The following SLCO2B1 variants were observed in gnomAD, a reference collection of about 807,000 sequenced individuals.
SLCO2B1 encodes the protein solute carrier organic anion transporter family member 2B1, also known as OATP-RP2.
In SLCO2B1, 41 loss-of-function variants were observed where a neutral mutation model predicts 67.3. That is an observed-to-expected ratio of 0.61 (90% confidence interval 0.47 to 0.79). The LOEUF (loss-of-function observed/expected upper bound fraction) is 0.79. Among genes scored for constraint, SLCO2B1 ranks in the 30% least tolerant of loss-of-function variants. The pLI, the probability that SLCO2B1 is intolerant of heterozygous loss-of-function variation, is 0.00. For synonymous variants in SLCO2B1, 379 were observed against 381.4 expected (o/e 0.99, Z 0.07); for missense variants, 837 against 920.1 (o/e 0.91, Z 1.17).
rs1945239176 is a variant in SLCO2B1, at chr11:75,204,425, A to G, written c.1975A>G (p.Lys659Glu). 1 of 1,609,266 alleles carries G rather than the reference A, an allele frequency of 6.2e-7. No individual in the cohort carries two copies. Among genetic ancestry groups the G allele is most frequent in the Non-Finnish European group, 8.5e-7 (1 of 1,178,022 alleles). Residue 659 changes from lysine to glutamate, a missense_variant, in exon 14 of 14, where the codon AAA becomes GAA. Coordinates refer to ENST00000289575, the MANE Select transcript of SLCO2B1 (RefSeq NM_007256.5). ...NRFIGLQFFFKTGSVICFALV... is the reference protein window; with the variant it reads ...NRFIGLQFFFETGSVICFALV... The stretch of plus-strand genomic sequence containing the variant: ...GTTCATCGGCCTCCAGTTCTTCTTC[A>G]AAACAGGTTCTGTGATCTGCTTCGC...
At chr11:75,156,673 A>C (rs1565530810) in intron 1 of SLCO2B1, among the ~76,000 whole-genome samples, 1 of 152,190 alleles carries the variant, frequency 6.6e-6, no homozygotes, top group Non-Finnish European at 1.5e-5. Context: ...AAGTGAAAGC[A>C]AGTTTATTAG....
intron 7 of SLCO2B1, among the ~76,000 whole-genome samples, chr11:75,182,526 C>T (rs762701823): frequency 6.6e-6 from 1 of 152,134 alleles, no homozygotes; most frequent in East Asian, 1.9e-4. Flanking sequence ...CCAGATCACC[C>T]GAGGTCAGGA....
chr11:75,198,561 G>C (rs757860496), intron 10 of SLCO2B1, among the ~76,000 whole-genome samples: 5 of 152,236 alleles, frequency 3.3e-5, no homozygotes, highest in Non-Finnish European at 5.9e-5. Flanking sequence ...CAATACCAGG[G>C]CTGGGACTAG....
At chr11:75,198,872 G>T (rs927575410) in intron 10 of SLCO2B1, among the ~76,000 whole-genome samples, 3 of 152,188 alleles carry the variant, frequency 2.0e-5, no homozygotes, top group African/African-American at 7.2e-5. Context: ...AATGCTCTGG[G>T]GGAATGAGAC....
intron 4 of SLCO2B1, among the ~76,000 whole-genome samples, chr11:75,167,666 G>T (rs571689932): frequency 6.6e-6 from 1 of 152,138 alleles, no homozygotes; most frequent in Non-Finnish European, 1.5e-5. Context: ...TGCATCTAAC[G>T]TCTAGTAGGC....
At chr11:75,200,198 G>T (rs528639837) in intron 10 of SLCO2B1, 26 bp from the exon 11 acceptor site, 1 of 1,590,800 alleles carries the variant, frequency 6.3e-7, no homozygotes, top group East Asian at 2.3e-5. Context: ...GGCTCTTGAA[G>T]TCTCTTCCTC....
chr11:75,194,854 T>C (rs572958379), intron 9 of SLCO2B1, among the ~76,000 whole-genome samples: 1 of 152,352 alleles, frequency 6.6e-6, no homozygotes, highest in East Asian at 1.9e-4. Context: ...TGACATCTCA[T>C]GTCACCTCTG....
At chr11:75,203,049 C>A (rs758105069) in intron 12 of SLCO2B1, 84 bp downstream of exon 12, 4 of 1,306,242 alleles carry the variant, frequency 3.1e-6, no homozygotes, top group Non-Finnish European at 4.4e-6. Context: ...CAGGCATGAG[C>A]GGAATTCAAT....
chr11:75,176,075 C>T (rs1364003996), intron 7 of SLCO2B1, among the ~76,000 whole-genome samples: 1 of 152,224 alleles, frequency 6.6e-6, no homozygotes, highest in East Asian at 1.9e-4. Context: ...AGGCCTCAGT[C>T]TTCCTGTCTA....
Position 75,169,361 on chromosome 11 carries a change from T to C in SLCO2B1, c.637T>C (p.Tyr213His). 1 of 1,611,642 alleles carries C rather than the reference T, an allele frequency of 6.2e-7. No individual in the cohort carries two copies. The highest frequency in any genetic ancestry group is 8.5e-7 in the Non-Finnish European group (1 of 1,178,208). The change falls in exon 5 of 14, where the codon TAC (tyrosine) becomes CAC (histidine). Residue 213 changes from tyrosine (Y) to histidine (H), a missense_variant. Coordinates refer to ENST00000289575, the MANE Select transcript of SLCO2B1 (RefSeq NM_007256.5). ...GCCCATTCAGCCCTTTGGCATCTCCTACATCGATGACTTTGCCCACAACAG... is the reference window on the plus strand; with the variant it reads ...GCCCATTCAGCCCTTTGGCATCTCCCACATCGATGACTTTGCCCACAACAG... The part of the protein sequence containing the change: ...GVPIQPFGIS[Y>H]IDDFAHNSNS...
intron 3 of SLCO2B1, among the ~76,000 whole-genome samples, chr11:75,164,456 G>A (rs3819192): frequency 0.043 from 6,507 of 152,290 alleles, 198 homozygotes; most frequent in South Asian, 0.1. Context: ...AGTGAGAGAG[G>A]CTTAAATCGC....
At chr11:75,199,911 C>T (rs991698290) in intron 10 of SLCO2B1, 15 of 362,598 alleles carry the variant, frequency 4.1e-5, no homozygotes, top group Middle Eastern at 7.3e-4. Context: ...TGTTTTCTTA[C>T]AGTTGGTGTG....
At chr11:75,174,580 G>C (rs1390599912) in intron 7 of SLCO2B1, among the ~76,000 whole-genome samples, 1 of 152,322 alleles carries the variant, frequency 6.6e-6, no homozygotes, top group East Asian at 1.9e-4. Context: ...CAGAGGCAGG[G>C]GGAAGCAGCT....
rs374600854 is a variant in SLCO2B1, at chr11:75,169,358, T to G, written c.634T>G (p.Ser212Ala). Residue 212 changes from serine (S) to alanine (A), a missense_variant, in exon 5 of 14, where the codon TCC becomes GCC. Coordinates refer to ENST00000289575, the MANE Select transcript of SLCO2B1 (RefSeq NM_007256.5). ...GGVPIQPFGI[S>A]YIDDFAHNSN... is the part of the protein sequence containing the mutation. ...GGTGCCCATTCAGCCCTTTGGCATC[T>G]CCTACATCGATGACTTTGCCCACAA... is the stretch of plus-strand genomic sequence containing the variant. 2.5e-6 allele frequency: 4 copies of G among 1,611,844 alleles called. No homozygotes were observed. In the African/African-American group the frequency reaches 4.0e-5, roughly 16 times the overall value.
At chr11:75,173,426 T>C (rs898028304) in intron 7 of SLCO2B1, among the ~76,000 whole-genome samples, 2 of 152,214 alleles carry the variant, frequency 1.3e-5, no homozygotes, top group Admixed American at 1.3e-4. Flanking sequence ...GAAACATGCA[T>C]GGAGTGCAGG....
Position 75,200,062 on chromosome 11 carries a change from G to A in SLCO2B1, c.1600-162G>A, listed in dbSNP as rs371200490. Reference sequence around the variant, plus strand: ...CCTTGAGGTGCCTGCTCCTCAAGCCGTCTTTGCTCAGCCAACGGGTCACGA... The same window carrying A: ...CCTTGAGGTGCCTGCTCCTCAAGCCATCTTTGCTCAGCCAACGGGTCACGA... On this transcript the variant is annotated intron_variant, in intron 10 of 13. Transcript: ENST00000289575. 21 of 660,402 alleles carry A rather than the reference G, an allele frequency of 3.2e-5. 1 individual carries two copies. The highest frequency in any genetic ancestry group is 9.3e-5 in the Admixed American group (3 of 32,182). The allele number at this position is 660,402 out of a possible 1,614,324, so 40.9% of individuals were successfully genotyped here.
intron 9 of SLCO2B1, among the ~76,000 whole-genome samples, chr11:75,194,666 G>T (rs11236371): frequency 6.6e-6 from 1 of 152,166 alleles, no homozygotes; most frequent in Non-Finnish European, 1.5e-5. Flanking sequence ...TGCAGCGGGG[G>T]TTTAGCCACC....
Position 75,163,977 on chromosome 11 carries a change from C to A in SLCO2B1, c.162C>A (p.Cys54Ter). 6.2e-7 allele frequency: 1 copy of A among 1,601,770 alleles called. No homozygotes were observed. Among genetic ancestry groups the A allele is most frequent in the East Asian group, 2.3e-5 (1 of 43,986 alleles). ...TCCCCCCACAGCTGTTCGTTCTGTG[C>A]CACAGCCTGCTGCAGCTGGCGCAGC... The part of the protein sequence containing the change: ...VFHNIKLFVL[C>*]HSLLQLAQLM... Residue 54 changes from cysteine to a stop codon, truncating the protein, a stop_gained, in exon 3 of 14, where the codon TGC (cysteine) becomes TGA (stop). Coordinates refer to ENST00000289575, the MANE Select transcript of SLCO2B1 (RefSeq NM_007256.5). LOFTEE classifies it high-confidence loss of function.
chr11:75,166,155 G>A (rs1281889497), intron 4 of SLCO2B1, among the ~76,000 whole-genome samples: 1 of 152,178 alleles, frequency 6.6e-6, no homozygotes, highest in African/African-American at 2.4e-5. Flanking sequence ...TAGGAAGTAG[G>A]CCCTGCGCAT....
Sources: gnomAD v4.1 joint callset for allele counts (sites outside exome capture counted in the v4.1 genomes callset) on GRCh38, gnomAD v4.1.1 for gene constraint, MANE v1.5 for transcripts, NCBI Gene and HGNC (gene_info 2026-07-23, HGNC 2026-07-21) for gene names.